CACNA2D3: variants seen among roughly 807,000 people sequenced by gnomAD.
The protein encoded by CACNA2D3 is calcium voltage-gated channel auxiliary subunit alpha2delta 3.
A neutral mutation model predicts 160.6 loss-of-function variants in CACNA2D3; 60 were observed. The ratio of observed to expected loss-of-function variants is 0.37; its 90% CI spans 0.30 to 0.46. The LOEUF is 0.46. Among genes scored for constraint, CACNA2D3 ranks in the 20% least tolerant of loss-of-function variants. The pLI is 1.00. For synonymous variants in CACNA2D3, 558 were observed against 492.9 expected (o/e 1.13, Z -1.75); for missense variants, 1,205 against 1,365.0 (o/e 0.88, Z 1.85).
At chr3:54,336,795 C>T (rs766711668) in intron 3 of CACNA2D3, among the ~76,000 whole-genome samples, 2 of 151,928 alleles carry the variant, frequency 1.3e-5, no homozygotes, top group East Asian at 1.9e-4. Flanking sequence ...TGATCTTGAG[C>T]GAAACAATGC....
intron 2 of CACNA2D3, among the ~76,000 whole-genome samples, chr3:54,163,366 A>G (rs529467141): frequency 6.6e-6 from 1 of 152,284 alleles, no homozygotes; most frequent in Non-Finnish European, 1.5e-5. Context: ...GACCTTCATG[A>G]GTTGGCCATG....
chr3:54,389,816 C>T (rs1575428807), intron 4 of CACNA2D3, among the ~76,000 whole-genome samples: 1 of 152,186 alleles, frequency 6.6e-6, no homozygotes, highest in African/African-American at 2.4e-5. Context: ...GATGAGGACA[C>T]ATGACTACTA....
At chr3:54,445,510 A>T (rs1700207456) in intron 4 of CACNA2D3, among the ~76,000 whole-genome samples, 1 of 151,888 alleles carries the variant, frequency 6.6e-6, no homozygotes, top group African/African-American at 2.4e-5. Context: ...TTGTACATAT[A>T]TATGTTCATA....
rs372485591 is a variant in CACNA2D3, at chr3:54,719,486, AC to A, written c.1168-33112del. On this transcript the variant is annotated intron_variant, in intron 11 of 37. Transcript: ENST00000474759. ...GATTTTCAAATGATAAAATAACTTTACATTCGTGGTATAAATTCAACTTTGT... is the reference window on the plus strand; with the variant it reads ...GATTTTCAAATGATAAAATAACTTTAATTCGTGGTATAAATTCAACTTTGT... 4.1e-4 allele frequency among the ~76,000 whole-genome samples: 62 copies of A among 152,094 alleles called. 1 individual carries two copies. The highest frequency in any genetic ancestry group is 1.4e-3 in the African/African-American group (59 of 41,566).
At chr3:54,777,676 C>T (rs758094789) in intron 13 of CACNA2D3, among the ~76,000 whole-genome samples, 1 of 152,172 alleles carries the variant, frequency 6.6e-6, no homozygotes, top group Non-Finnish European at 1.5e-5. Context: ...CTGGAGTACT[C>T]ATCCTATAGT....
At chr3:54,574,720 G>A (rs1702554228) in intron 8 of CACNA2D3, among the ~76,000 whole-genome samples, 2 of 152,134 alleles carry the variant, frequency 1.3e-5, no homozygotes, top group African/African-American at 4.8e-5. Context: ...AAAAATGAGG[G>A]TGCTAATTCT....
intron 3 of CACNA2D3, among the ~76,000 whole-genome samples, chr3:54,337,391 C>T (rs1704409233): frequency 6.6e-6 from 1 of 152,198 alleles, no homozygotes; most frequent in Non-Finnish European, 1.5e-5. Flanking sequence ...AGATGCAGGT[C>T]CAGTATGTCC....
intron 35 of CACNA2D3, among the ~76,000 whole-genome samples, chr3:55,030,715 T>G (rs557369801): frequency 2.0e-5 from 3 of 152,288 alleles, no homozygotes; most frequent in South Asian, 4.1e-4. Flanking sequence ...CCCTGATTCT[T>G]TTCCTCAGAT....
chr3:54,663,283 CTT>C (rs1173870168), intron 11 of CACNA2D3, among the ~76,000 whole-genome samples: 1 of 152,174 alleles, frequency 6.6e-6, no homozygotes, highest in African/African-American at 2.4e-5. Context: ...ATGTTGGTGT[CTT>C]TGAGCCAGAG....
chr3:54,618,241 A>C (rs1698897893), intron 9 of CACNA2D3, among the ~76,000 whole-genome samples: 1 of 151,532 alleles, frequency 6.6e-6, no homozygotes, highest in African/African-American at 2.4e-5. Context: ...TATGCACTAC[A>C]ATGTGAGTAC....
intron 26 of CACNA2D3, among the ~76,000 whole-genome samples, chr3:54,899,421 T>C (rs1700274975): frequency 6.6e-6 from 1 of 152,194 alleles, no homozygotes; most frequent in South Asian, 2.1e-4. Flanking sequence ...TTCATGGTTA[T>C]ATTTAGACAG....
chr3:54,652,848 T>TCATGGCTCACTGTTTACG (rs1699801021), intron 11 of CACNA2D3, among the ~76,000 whole-genome samples: 1 of 147,070 alleles, frequency 6.8e-6, no homozygotes, highest in Admixed American at 7.1e-5. Context: ...AGTTGCGTAA[T>TCATGGCTCACTGTTTACG]CATGGCTCAC....
At chr3:54,935,670 T>A (rs1483203212) in intron 27 of CACNA2D3, among the ~76,000 whole-genome samples, 1 of 152,230 alleles carries the variant, frequency 6.6e-6, no homozygotes, top group Non-Finnish European at 1.5e-5. Context: ...TTGTTGGGTT[T>A]TTATTTGCTT....
At chr3:55,030,902 A>C (rs544950508) in intron 35 of CACNA2D3, among the ~76,000 whole-genome samples, 5 of 152,146 alleles carry the variant, frequency 3.3e-5, no homozygotes, top group Non-Finnish European at 7.4e-5. Context: ...TCCTGAGTCC[A>C]TGATATAAAA....
chr3:54,252,207 A>T (rs1702205485), intron 2 of CACNA2D3, among the ~76,000 whole-genome samples: 1 of 145,408 alleles, frequency 6.9e-6, no homozygotes, highest in Non-Finnish European at 1.5e-5. Context: ...TTCTTGCAGG[A>T]TGGGCTAGTG....
At chr3:54,314,602 T>C (rs1250827728) in intron 2 of CACNA2D3, among the ~76,000 whole-genome samples, 2 of 152,224 alleles carry the variant, frequency 1.3e-5, no homozygotes, top group Non-Finnish European at 2.9e-5. Flanking sequence ...TGGCCATTCT[T>C]GCAGGAGTAA....
chr3:54,172,256 T>C (rs1209856239), intron 2 of CACNA2D3, among the ~76,000 whole-genome samples: 1 of 152,154 alleles, frequency 6.6e-6, no homozygotes, highest in Non-Finnish European at 1.5e-5. Context: ...GCAGAAAACG[T>C]GTTATTCATA....
At chr3:54,429,856 T>C (rs78378520) in intron 4 of CACNA2D3, among the ~76,000 whole-genome samples, 19,047 of 152,196 alleles carry the variant, frequency 0.13, 1,510 homozygotes, top group Admixed American at 0.23. Flanking sequence ...GATTTCATTA[T>C]ACTGCAGAAA....
At chr3:54,616,033 G>A (rs987907673) in intron 9 of CACNA2D3, among the ~76,000 whole-genome samples, 12 of 152,070 alleles carry the variant, frequency 7.9e-5, no homozygotes, top group African/African-American at 1.9e-4. Flanking sequence ...CTACCATCCC[G>A]GGCTACCTCC....
Sources: allele counts gnomAD v4.1 joint callset (sites outside exome capture counted in the v4.1 genomes callset), GRCh38; gene constraint gnomAD v4.1.1; transcripts MANE v1.5; gene names NCBI Gene and HGNC (gene_info 2026-07-23, HGNC 2026-07-21).